JADE2: variants seen among roughly 807,000 people sequenced by gnomAD.
The protein encoded by JADE2 is jade family PHD finger 2, also known as E3 ubiquitin-protein ligase Jade-2.
JADE2 carries 13 observed loss-of-function variants against 85.7 expected under a neutral mutation model. The ratio of observed to expected loss-of-function variants is 0.15; its 90% CI spans 0.10 to 0.24. The LOEUF is 0.24. Among genes scored for constraint, JADE2 ranks in the 10% least tolerant of loss-of-function variants. The pLI, the probability that JADE2 is intolerant of heterozygous loss-of-function variation, is 1.00. For missense variants in JADE2, 846 were observed against 1,115.9 expected (o/e 0.76, Z 3.45); for synonymous variants, 440 against 456.1 (o/e 0.96, Z 0.45).
At position 134,578,751 on chromosome 5, in the gene JADE2, A is replaced by G; in HGVS notation, c.1939A>G (p.Lys647Glu). 6.2e-7 allele frequency: 1 copy of G among 1,613,716 alleles called. No homozygotes were observed. The highest frequency in any genetic ancestry group is 8.5e-7 in the Non-Finnish European group (1 of 1,179,968). Residue 647 changes from lysine (K) to glutamate (E), a missense_variant, in exon 12 of 12, where the codon AAG becomes GAG. Transcript: ENST00000681547. The surrounding 1 kb of genome is among the most constrained non-coding windows in gnomAD (Gnocchi z 4.4). Reference sequence around the variant, plus strand: ...CCGAGGCCGCACCCGCCTGCCTGCCAAGAAGAAACCACCACCACCACCACC... The same window carrying G: ...CCGAGGCCGCACCCGCCTGCCTGCCGAGAAGAAACCACCACCACCACCACC... The part of the protein sequence containing the change: ...KARGRTRLPA[K>E]KKPPPPPPQD...
intron 11 of JADE2, among the ~76,000 whole-genome samples, chr5:134,577,584 A>G (rs1172673185): frequency 1.3e-5 from 2 of 152,110 alleles, no homozygotes; most frequent in African/African-American, 4.8e-5. Context: ...CTAGCTGCTC[A>G]GGAGGCTGAG....
rs748740559 is a variant in JADE2 at position 134,578,448 on chromosome 5, G to T, written c.1682-46G>T. On this transcript the variant is annotated intron_variant, in intron 11 of 11. Coordinates refer to ENST00000681547, the MANE Select transcript of JADE2 (RefSeq NM_001388185.1). The surrounding 1 kb of genome is among the most constrained non-coding windows in gnomAD (Gnocchi z 4.4). ...CGTCAGTGGGCTTCCTGAAAGGGTG[G>T]GACACACGTCTGCTGGCGTCTCACT... 2.1e-6 allele frequency: 3 copies of T among 1,429,180 alleles called. No individual in the cohort carries two copies. Among genetic ancestry groups the T allele is most frequent in the Non-Finnish European group, 2.9e-6 (3 of 1,041,222 alleles). The allele number at this position is 1,429,180 out of a possible 1,614,324, so 88.5% of individuals were successfully genotyped here.
At chr5:134,526,574 G>C (rs974401465) in intron 1 of JADE2, 3 of 985,236 alleles carry the variant, frequency 3.0e-6, no homozygotes, top group Non-Finnish European at 3.6e-6. Flanking sequence ...CCTCGCGCTG[G>C]GCTCACGTGC....
chr5:134,527,665 G>C (rs1296115783), intron 1 of JADE2, among the ~76,000 whole-genome samples: 1 of 151,830 alleles, frequency 6.6e-6, no homozygotes. Flanking sequence ...CGGCTCCGGC[G>C]GTCGGAATCA....
chr5:134,526,419 G>A (rs1760824530), intron 1 of JADE2: 1 of 985,220 alleles, frequency 1.0e-6, no homozygotes, highest in Non-Finnish European at 1.2e-6. Flanking sequence ...GGGCTGCGGC[G>A]GGAGATGGGT....
At chr5:134,526,431 C>T (rs1760825195) in intron 1 of JADE2, 1 of 985,122 alleles carries the variant, frequency 1.0e-6, no homozygotes, top group Non-Finnish European at 1.2e-6. Context: ...GAGATGGGTA[C>T]GGTGGGGAGG....
chr5:134,577,986 T>TC, intron 11 of JADE2, among the ~76,000 whole-genome samples: 1 of 152,142 alleles, frequency 6.6e-6, no homozygotes, highest in East Asian at 1.9e-4. Context: ...GAGGGCATTT[T>TC]CCTCCAGATT....
intron 3 of JADE2, among the ~76,000 whole-genome samples, chr5:134,539,403 T>C (rs1198527297): frequency 6.6e-6 from 1 of 151,400 alleles, no homozygotes; most frequent in Non-Finnish European, 1.5e-5. Context: ...TTCACCATGT[T>C]GGCCAGGCTG....
chr5:134,550,725 G>T (rs1275541732), intron 3 of JADE2, among the ~76,000 whole-genome samples: 1 of 152,190 alleles, frequency 6.6e-6, no homozygotes, highest in East Asian at 1.9e-4. Context: ...GGGGCAGGAG[G>T]CGTTGCCAGT....
rs76451207 is a variant in JADE2, at chr5:134,581,153, G to A, written c.*1836G>A. On this transcript the variant is annotated 3_prime_UTR_variant, in exon 12 of 12. Transcript: ENST00000681547. The stretch of plus-strand genomic sequence containing the variant: ...ACAAAGATAATGACTCAGTTCAGAG[G>A]ATCGGACAAATGTGTCTAGTCCGGG... 1,735 of 152,664 alleles carry A rather than the reference G, an allele frequency of 0.011. 23 individuals carry two copies. Among genetic ancestry groups the A allele is most frequent in the Non-Finnish European group, 0.015 (994 of 68,038 alleles). The allele number at this position is 152,664 out of a possible 1,614,324, so 9.5% of individuals were successfully genotyped here. A position where few individuals can be genotyped will look rare whatever the true frequency, so the allele number is the denominator to read the frequency against.
At chr5:134,541,756 G>A (rs1761973104) in intron 3 of JADE2, among the ~76,000 whole-genome samples, 1 of 152,248 alleles carries the variant, frequency 6.6e-6, no homozygotes, top group Non-Finnish European at 1.5e-5. Context: ...GGCTGGGGTT[G>A]GGTTTGGGTG....
chr5:134,560,931 G>T lies in JADE2; in HGVS notation c.658G>T (p.Asp220Tyr). 1 of 1,613,976 alleles carries T rather than the reference G, an allele frequency of 6.2e-7. No individual in the cohort carries two copies. The highest frequency in any genetic ancestry group is 1.1e-5 in the South Asian group (1 of 91,056). ...GEDGNEMVFC[D>Y]KCNVCVHQAC... ...GGATGGCAACGAGATGGTCTTCTGT[G>T]ACAAGTGCAACGTCTGTGTGCATCA... Residue 220 changes from aspartate to tyrosine, a missense_variant, in exon 6 of 12, where the codon GAC becomes TAC. Physicochemically the swap from Asp to Tyr is radical, Grantham distance 160. This residue lies in a region of JADE2 where 129 missense variants were observed against 255.4 expected (regional missense o/e 0.51). Transcript: ENST00000681547.
intron 1 of JADE2, among the ~76,000 whole-genome samples, chr5:134,530,152 G>A (rs958302423): frequency 6.6e-6 from 1 of 152,140 alleles, no homozygotes; most frequent in African/African-American, 2.4e-5. Flanking sequence ...GAGTGGGGCT[G>A]TGACCCCGGT....
chr5:134,575,561 G>A (rs1316542476), intron 10 of JADE2: 1 of 152,142 alleles, frequency 6.6e-6, no homozygotes, highest in African/African-American at 2.4e-5. Flanking sequence ...GAGCAGTGGG[G>A]AGCCTCAGGA....
chr5:134,551,662 G>A lies in JADE2; in HGVS notation c.154-390G>A, dbSNP rs534730754. On this transcript the variant is annotated intron_variant, in intron 3 of 11. Transcript: ENST00000681547. Reference sequence around the variant, plus strand: ...CAAAGTGTTGGGATTACAGGCATGAGCCACCATGCCCGGCCATCAGTATTG... The same window carrying A: ...CAAAGTGTTGGGATTACAGGCATGAACCACCATGCCCGGCCATCAGTATTG... 8.5e-5 allele frequency among the ~76,000 whole-genome samples: 13 copies of A among 152,186 alleles called. No individual in the cohort carries two copies. The South Asian group carries it at 2.5e-3, about 29-fold the overall frequency.
At chr5:134,530,087 T>C (rs2149851455) in intron 1 of JADE2, among the ~76,000 whole-genome samples, 1 of 152,388 alleles carries the variant, frequency 6.6e-6, no homozygotes, top group South Asian at 2.1e-4. Flanking sequence ...AAATCATTTT[T>C]GTAACTGCAA....
intron 4 of JADE2, among the ~76,000 whole-genome samples, chr5:134,557,530 CT>C (rs71583205): frequency 0.1 from 11,219 of 110,698 alleles, 830 homozygotes; most frequent in Middle Eastern, 0.15. Flanking sequence ...TCCCTCCCCC[CT>C]CCCCCGAACC....
At chr5:134,535,090 G>T (rs991927343) in intron 1 of JADE2, among the ~76,000 whole-genome samples, 1 of 152,194 alleles carries the variant, frequency 6.6e-6, no homozygotes, top group Non-Finnish European at 1.5e-5. Flanking sequence ...AGCTCACCTG[G>T]TTAGGAACAG....
intron 4 of JADE2, among the ~76,000 whole-genome samples, chr5:134,553,463 C>G (rs1466271084): frequency 1.3e-5 from 2 of 151,848 alleles, no homozygotes. Context: ...ATGCGATTCT[C>G]CTGCCTCAGC....
Sources: allele counts gnomAD v4.1 joint callset (sites outside exome capture counted in the v4.1 genomes callset), GRCh38; gene constraint gnomAD v4.1.1; regional missense constraint gnomAD v4.1.1; non-coding constraint Gnocchi (gnomAD v3.1); transcripts MANE v1.5; gene names NCBI Gene and HGNC (gene_info 2026-07-23, HGNC 2026-07-21).